MPRIP: variants seen among roughly 807,000 people sequenced by gnomAD.
MPRIP encodes the protein myosin phosphatase Rho-interacting protein.
In MPRIP, 59 loss-of-function variants were observed where a neutral mutation model predicts 234.9. The observed-to-expected ratio is 0.25, with a 90% CI of 0.20 to 0.31. The LOEUF (loss-of-function observed/expected upper bound fraction) is 0.31, where lower values mean the gene tolerates loss of function less well. Ranked by LOEUF, MPRIP falls within the 10% of genes least tolerant of loss-of-function variation. MPRIP has a pLI of 1.00. For synonymous variants in MPRIP, 1,144 were observed against 1,263.9 expected, an observed-to-expected ratio of 0.91 and a Z score of 2.01; for missense variants, 2,436 against 3,071.0, an observed-to-expected ratio of 0.79 and a Z score of 4.89.
At chr17:17,156,774 C>G (rs562835735) in intron 13 of MPRIP, among the ~76,000 whole-genome samples, 2 of 152,226 alleles carry the variant, frequency 1.3e-5, no homozygotes, top group African/African-American at 2.4e-5. Flanking sequence ...AGTTCAGTGA[C>G]GTCACAAGAT....
chr17:17,131,285 C>G (rs2090591391), intron 4 of MPRIP, among the ~76,000 whole-genome samples: 1 of 152,248 alleles, frequency 6.6e-6, no homozygotes, highest in Non-Finnish European at 1.5e-5. Context: ...CTCGTCTGTA[C>G]TCTCACCAAG....
At chr17:17,105,775 C>T (rs1459375514) in intron 3 of MPRIP, among the ~76,000 whole-genome samples, 1 of 152,216 alleles carries the variant, frequency 6.6e-6, no homozygotes, top group Non-Finnish European at 1.5e-5. Context: ...CAGCCATTAC[C>T]AGCCTGGTGG....
chr17:17,051,951 A>G (rs1317964897), intron 1 of MPRIP, among the ~76,000 whole-genome samples: 1 of 152,064 alleles, frequency 6.6e-6, no homozygotes, highest in East Asian at 1.9e-4. Context: ...TTGCAGCGAG[A>G]CTCTGAGTGG....
chr17:17,060,748 C>T (rs1335665881), intron 1 of MPRIP, among the ~76,000 whole-genome samples: 1 of 152,168 alleles, frequency 6.6e-6, no homozygotes, highest in African/African-American at 2.4e-5. Context: ...GCTCTGGGTC[C>T]TGATGATGTT....
chr17:17,146,191 C>T, intron 10 of MPRIP, 99 bp downstream of exon 10: 2 of 1,040,412 alleles, frequency 1.9e-6, no homozygotes, highest in Non-Finnish European at 1.5e-6. Flanking sequence ...TGGCTCCATG[C>T]CTTCCTCCTC....
chr17:17,045,078 C>G (rs1289075498), intron 1 of MPRIP, among the ~76,000 whole-genome samples: 1 of 152,178 alleles, frequency 6.6e-6, no homozygotes, highest in Non-Finnish European at 1.5e-5. Flanking sequence ...AAAACCTCAA[C>G]CAATCGGTTC....
intron 1 of MPRIP, among the ~76,000 whole-genome samples, chr17:17,070,797 T>C (rs140566905): frequency 1.2e-3 from 188 of 152,372 alleles, no homozygotes; most frequent in African/African-American, 4.2e-3. Context: ...TGGTTCTTGG[T>C]ATGATGATGA....
At chr17:17,089,558 C>T (rs2089667811) in intron 3 of MPRIP, among the ~76,000 whole-genome samples, 1 of 152,038 alleles carries the variant, frequency 6.6e-6, no homozygotes. Context: ...GCCTTGAGCT[C>T]CTGGGCCCAA....
Position 17,148,970 on chromosome 17 carries a change from A to T in MPRIP, c.1630-1174A>T, listed in dbSNP as rs141790968. On this transcript the variant is annotated intron_variant, in intron 11 of 23. Coordinates refer to ENST00000651222, the MANE Select transcript of MPRIP (RefSeq NM_001364716.4). Reference sequence around the variant, plus strand: ...ATGAAATAGGTGGTGGTATTAGCAAAGGCGATATTTTAATATTACATAATG... The same window carrying T: ...ATGAAATAGGTGGTGGTATTAGCAATGGCGATATTTTAATATTACATAATG... Among the ~76,000 whole-genome samples, 11 of 152,328 alleles carry T rather than the reference A, an allele frequency of 7.2e-5. No homozygotes were observed. The East Asian group carries it at 2.1e-3, about 29-fold the overall frequency.
At position 17,179,992 on chromosome 17, in the gene MPRIP, A is replaced by T. The variant is rs1364006809; in HGVS notation, c.7121-11A>T. The T allele has an allele frequency of 2.5e-6, 4 of 1,588,614 alleles. No homozygotes were observed. In the South Asian group the frequency reaches 4.6e-5, roughly 18 times the overall value. On this transcript the variant is annotated splice_polypyrimidine_tract_variant and intron_variant, in intron 22 of 23. Transcript: ENST00000651222. ...GGTAACAGGTCTGTTTGTTTTCATT[A>T]TATACCGCAGATATAATGAAATCTA...
intron 16 of MPRIP, among the ~76,000 whole-genome samples, chr17:17,169,813 C>A (rs2046090564): frequency 6.6e-6 from 1 of 152,226 alleles, no homozygotes; most frequent in African/African-American, 2.4e-5. Context: ...AGGCTCCCAC[C>A]ACACCACGAT....
At position 17,173,857 on chromosome 17, in the gene MPRIP, G is replaced by A. The variant is rs541678126; in HGVS notation, c.6591-59G>A. 2.6e-4 allele frequency: 424 copies of A among 1,601,774 alleles called. 1 individual carries two copies. Among genetic ancestry groups the A allele is most frequent in the Non-Finnish European group, 3.1e-4 (363 of 1,170,036 alleles). On this transcript the variant is annotated intron_variant, in intron 18 of 23. Coordinates refer to ENST00000651222, the MANE Select transcript of MPRIP (RefSeq NM_001364716.4). ...GTGTCTGGTGTCAAGGAGGGACACC[G>A]GCCTCTGAGAGGCCTTGTCCAGAAG...
intron 1 of MPRIP, among the ~76,000 whole-genome samples, 200 bp from the exon 2 acceptor site, chr17:17,075,510 T>A (rs1211432720): frequency 2.0e-5 from 3 of 152,174 alleles, no homozygotes; most frequent in Middle Eastern, 6.8e-3. Context: ...GCCTGTATGC[T>A]CTCCACCCCG....
Position 17,078,168 on chromosome 17 carries a change from C to A in MPRIP, c.267+92C>A. 2 of 1,255,794 alleles carry A rather than the reference C, an allele frequency of 1.6e-6. No individual in the cohort carries two copies. Among genetic ancestry groups the A allele is most frequent in the Non-Finnish European group, 2.3e-6 (2 of 861,128 alleles). 77.8% of individuals were successfully genotyped at this position (1,255,794 alleles called of 1,614,324 possible). On this transcript the variant is annotated intron_variant, in intron 3 of 23. Transcript: ENST00000651222. The surrounding 1 kb of genome is among the most constrained non-coding windows in gnomAD (Gnocchi z 4.3). Reference sequence around the variant, plus strand: ...GCGTTGTCATGTGAGAGCACAGCAGCCATGTGCTCCTGCTTGTGTCTGTTT... The same window carrying A: ...GCGTTGTCATGTGAGAGCACAGCAGACATGTGCTCCTGCTTGTGTCTGTTT...
In MPRIP at chr17:17,164,952, G is replaced by A. The variant is rs865879605; in HGVS notation, c.3361G>A (p.Val1121Met). 7 of 1,303,598 alleles carry A rather than the reference G, an allele frequency of 5.4e-6. No homozygotes were observed. In the African/African-American group the frequency reaches 6.1e-5, roughly 11 times the overall value. 80.8% of individuals were successfully genotyped at this position (1,303,598 alleles called of 1,614,324 possible). The change falls in exon 16 of 24, where the codon GTG becomes ATG. Residue 1121 changes from valine to methionine, a missense_variant. Transcript: ENST00000651222. Reference sequence around the variant, plus strand: ...GCGGTTCCAGGAGCTGACAGAGCGCGTGGCCACGTCCGACGAGGATGTGGC... The same window carrying A: ...GCGGTTCCAGGAGCTGACAGAGCGCATGGCCACGTCCGACGAGGATGTGGC... The part of the protein sequence containing the change: ...RQRFQELTER[V>M]ATSDEDVAEL...
intron 1 of MPRIP, among the ~76,000 whole-genome samples, chr17:17,072,612 C>T (rs2089222987): frequency 2.0e-5 from 3 of 152,060 alleles, no homozygotes; most frequent in African/African-American, 7.2e-5. Context: ...AGGGACATTT[C>T]GGGGAAGCCC....
intron 1 of MPRIP, among the ~76,000 whole-genome samples, chr17:17,073,878 C>G (rs2089263197): frequency 6.6e-6 from 1 of 152,180 alleles, no homozygotes; most frequent in African/African-American, 2.4e-5. Context: ...TGTCTGCAGC[C>G]AACACCCACT....
In MPRIP at chr17:17,078,424, G is replaced by A. The variant is rs779163470; in HGVS notation, c.267+348G>A. ...GTGTGCAGGCTGTGGACCTGTGGGC[G>A]TGGGGCAGGGGCTGGCCCTGGGGCT... On this transcript the variant is annotated intron_variant, in intron 3 of 23. Coordinates refer to ENST00000651222, the MANE Select transcript of MPRIP (RefSeq NM_001364716.4). The surrounding 1 kb of genome is among the most constrained non-coding windows in gnomAD (Gnocchi z 4.3). 1.8e-4 allele frequency among the ~76,000 whole-genome samples: 27 copies of A among 152,372 alleles called. No homozygotes were observed. The highest frequency in any genetic ancestry group is 9.8e-4 in the Admixed American group (15 of 15,310).
chr17:17,147,483 CCCACT>C, intron 11 of MPRIP, 96 bp downstream of exon 11: 8 of 1,197,678 alleles, frequency 6.7e-6, no homozygotes, highest in Non-Finnish European at 1.0e-5. Flanking sequence ...GGCTAATGTC[CCCACT>C]TCTGAGGACA....
Sources: gnomAD v4.1 joint callset for allele counts (sites outside exome capture counted in the v4.1 genomes callset) on GRCh38, gnomAD v4.1.1 for gene constraint, Gnocchi (gnomAD v3.1) non-coding constraint, MANE v1.5 for transcripts, NCBI Gene and HGNC (gene_info 2026-07-23, HGNC 2026-07-21) for gene names.